RAB37: variants seen among roughly 807,000 people sequenced by gnomAD.
RAB37 encodes the protein RAB37, member RAS oncogene family.
A neutral mutation model predicts 33.1 loss-of-function variants in RAB37; 29 were observed. The observed-to-expected ratio is 0.88, with a 90% CI of 0.65 to 1.20. RAB37 has a LOEUF of 1.20. Ranked by LOEUF, RAB37 falls within the 50% of genes most tolerant of loss-of-function variation. RAB37 has a pLI of 0.00. For synonymous variants in RAB37, 128 were observed against 119.5 expected (o/e 1.07, Z -0.47); for missense variants, 299 against 301.1 (o/e 0.99, Z 0.05).
In RAB37 at chr17:74,696,074, T is replaced by G. The variant is rs1011330546; in HGVS notation, c.72+24416T>G. ...AGCCCCCAGGCCCTGCAGGGTGCCA[T>G]GAGGACAGGATACTTTGGCACAGGA... On this transcript the variant is annotated intron_variant, in intron 1 of 7. Coordinates refer to the RAB37 transcript ENST00000340415. 1.1e-5 allele frequency: 15 copies of G among 1,356,478 alleles called. No homozygotes were observed. The African/African-American group carries it at 1.6e-4, about 15-fold the overall frequency. 84.0% of individuals were successfully genotyped at this position (1,356,478 alleles called of 1,614,324 possible).
chr17:74,736,928 C>T, upstream of RAB37: 3 of 1,505,432 alleles, frequency 2.0e-6, no homozygotes, highest in South Asian at 1.3e-5. Flanking sequence ...ACTACGGGAA[C>T]TCTTCCGCAG....
chr17:74,725,831 A>T (rs1208342894), intron 1 of RAB37, among the ~76,000 whole-genome samples: 1 of 151,902 alleles, frequency 6.6e-6, no homozygotes, highest in East Asian at 1.9e-4. Context: ...GGCCAGGCTG[A>T]CTTCAAACTC....
At chr17:74,736,785 C>G, upstream of RAB37, 1 of 1,535,608 alleles carries the variant, frequency 6.5e-7, no homozygotes, top group Non-Finnish European at 8.7e-7. Context: ...GGCCGGGTGA[C>G]TTAACAGATG....
rs756732786 is a variant in RAB37 at position 74,729,077 on chromosome 17, CAT to C, written c.73-178_73-177del. Among the ~76,000 whole-genome samples, 7 of 151,724 alleles carry C rather than the reference CAT, an allele frequency of 4.6e-5. No homozygotes were observed. In the East Asian group the frequency reaches 5.8e-4, roughly 13 times the overall value. On this transcript the variant is annotated intron_variant, in intron 1 of 7. Transcript: ENST00000340415. The surrounding 1 kb of genome is among the most constrained non-coding windows in gnomAD (Gnocchi z 4.2). The stretch of plus-strand genomic sequence containing the variant: ...CATGGGTGTTCTGTGTATGTGTGTA[CAT>C]GTTTTTCTATGTCTGTATGTGTGTG...
At chr17:74,699,006 C>T (rs563627614) in intron 1 of RAB37, among the ~76,000 whole-genome samples, 1 of 152,226 alleles carries the variant, frequency 6.6e-6, no homozygotes, top group East Asian at 1.9e-4. Flanking sequence ...GCAACCTCCA[C>T]CTCCCAGGTT....
At chr17:74,741,309 CG>C (rs1264801478) in intron 2 of RAB37, among the ~76,000 whole-genome samples, 11 of 152,032 alleles carry the variant, frequency 7.2e-5, no homozygotes, top group African/African-American at 2.4e-4. Flanking sequence ...GGGCTTGGGC[CG>C]GGCATGGTGG....
At chr17:74,717,452 TGGAGAGTAACTAGGTCA>T (rs1433151218) in intron 1 of RAB37, among the ~76,000 whole-genome samples, 7 of 152,168 alleles carry the variant, frequency 4.6e-5, no homozygotes, top group Non-Finnish European at 8.8e-5. Flanking sequence ...GTTGAGCCTT[TGGAGAGTAACTAGGTCA>T]GGAGAGTAAC....
In RAB37 at chr17:74,695,579, C is replaced by T. The variant is rs908080676; in HGVS notation, c.72+23921C>T. 4.3e-5 allele frequency: 51 copies of T among 1,176,598 alleles called. No individual in the cohort carries two copies. In the Admixed American group the frequency reaches 6.5e-4, roughly 15 times the overall value. The allele number at this position is 1,176,598 out of a possible 1,614,324, so 72.9% of individuals were successfully genotyped here. ...AGACTTGCCTGTGGGAGCTCCTAGG[C>T]GAGTCCTGCAGTGACTATGGCTTTG... is the stretch of plus-strand genomic sequence containing the variant. On this transcript the variant is annotated intron_variant, in intron 1 of 7. Transcript: ENST00000340415.
At chr17:74,708,322 A>T (rs2033679863) in intron 1 of RAB37, among the ~76,000 whole-genome samples, 1 of 152,162 alleles carries the variant, frequency 6.6e-6, no homozygotes, top group South Asian at 2.1e-4. Flanking sequence ...TACAGCTTCA[A>T]TGGAAATATT....
intron 1 of RAB37, among the ~76,000 whole-genome samples, chr17:74,724,652 C>CT (rs1426437231): frequency 6.6e-6 from 1 of 152,146 alleles, no homozygotes; most frequent in Non-Finnish European, 1.5e-5. Context: ...TGGGGATAGG[C>CT]AGTGGAGTTA....
intron 1 of RAB37, among the ~76,000 whole-genome samples, chr17:74,672,135 AG>A: frequency 6.6e-6 from 1 of 152,176 alleles, no homozygotes; most frequent in Non-Finnish European, 1.5e-5. Context: ...GCTTCCCTCC[AG>A]CCATGATTCC....
intron 1 of RAB37, among the ~76,000 whole-genome samples, chr17:74,685,335 C>T (rs140641582): frequency 0.017 from 2,555 of 152,230 alleles, 59 homozygotes; most frequent in Admixed American, 0.063. Context: ...CAAGTGTGCA[C>T]CATCACACCC....
At chr17:74,673,830 G>A (rs1471369626) in intron 1 of RAB37, among the ~76,000 whole-genome samples, 3 of 152,316 alleles carry the variant, frequency 2.0e-5, no homozygotes, top group African/African-American at 4.8e-5. Flanking sequence ...GCCCAGCAGA[G>A]TGACATATGT....
At chr17:74,673,419 G>A (rs551309959) in intron 1 of RAB37, among the ~76,000 whole-genome samples, 1,525 of 127,120 alleles carry the variant, frequency 0.012, 26 homozygotes, top group African/African-American at 0.041. Flanking sequence ...AAAAAAAAAA[G>A]AAAAAAAAAG....
At position 74,744,832 on chromosome 17, in the gene RAB37, G is replaced by A. The variant is rs752220323; in HGVS notation, c.433-41G>A. The stretch of plus-strand genomic sequence containing the variant: ...GGGCAAAATATGGGCCCGCTGGGGC[G>A]GAGGCCTCCTTCCCCAGAGTGACCC... On this transcript the variant is annotated intron_variant, in intron 6 of 8. Coordinates refer to ENST00000392613, the MANE Select transcript of RAB37 (RefSeq NM_001006638.3). The surrounding 1 kb of genome is among the most constrained non-coding windows in gnomAD (Gnocchi z 4.2). The A allele has an allele frequency of 1.3e-5, 21 of 1,611,360 alleles. No homozygotes were observed. Among genetic ancestry groups the A allele is most frequent in the South Asian group, 3.3e-5 (3 of 91,016 alleles).
At chr17:74,695,262 G>A (rs376257084) in intron 1 of RAB37, 3 of 1,613,694 alleles carry the variant, frequency 1.9e-6, no homozygotes, top group Non-Finnish European at 2.5e-6. Flanking sequence ...CTGCAGCAAA[G>A]GCGGGCTCCA....
intron 5 of RAB37, among the ~76,000 whole-genome samples, chr17:74,743,792 T>A (rs1026267656): frequency 2.6e-5 from 4 of 152,192 alleles, no homozygotes; most frequent in Admixed American, 6.5e-5. Context: ...CAAGCACCAA[T>A]TTTGTTCACG....
chr17:74,737,214 G>GGGGGGGGGGGGGGGGGGGGGGGGGGGGGC, upstream of RAB37: 1 of 1,245,296 alleles, frequency 8.0e-7, no homozygotes, highest in Non-Finnish European at 1.1e-6. Flanking sequence ...CGGGGGTGGG[G>GGGGGGGGGGGGGGGGGGGGGGGGGGGGGC]CCGTTCCTGC....
rs983023167 is a variant in RAB37, at chr17:74,671,980, G to A, written c.72+322G>A. ...CTGGCACCTTGCTCTCCTAACCCTT[G>A]TAGGAGACTGCATTTCTCCCTGTTA... On this transcript the variant is annotated intron_variant, in intron 1 of 7. Coordinates refer to the RAB37 transcript ENST00000340415. The surrounding 1 kb of genome is among the most constrained non-coding windows in gnomAD (Gnocchi z 5.0). Among the ~76,000 whole-genome samples, 2 of 152,078 alleles carry A rather than the reference G, an allele frequency of 1.3e-5. No homozygotes were observed. The highest frequency in any genetic ancestry group is 4.8e-5 in the African/African-American group (2 of 41,410).
Sources: gnomAD v4.1 joint callset for allele counts (sites outside exome capture counted in the v4.1 genomes callset) on GRCh38, gnomAD v4.1.1 for gene constraint, Gnocchi (gnomAD v3.1) non-coding constraint, MANE v1.5 for transcripts, NCBI Gene and HGNC (gene_info 2026-07-23, HGNC 2026-07-21) for gene names.